The following SPOCK1 variants were observed in gnomAD, a reference collection of about 807,000 sequenced individuals.
The protein encoded by SPOCK1 is testican-1.
SPOCK1 carries 23 observed loss-of-function variants against 55.3 expected under a neutral mutation model. The ratio of observed to expected loss-of-function variants is 0.42; its 90% CI spans 0.30 to 0.59. SPOCK1 has a LOEUF of 0.59. Among genes scored for constraint, SPOCK1 ranks in the 20% least tolerant of loss-of-function variants. The probability of loss-of-function intolerance (pLI) is 0.22; values close to 1 mark genes in which losing one functional copy is unlikely to be tolerated. For missense variants in SPOCK1, 499 were observed against 552.5 expected (o/e 0.90, Z 0.97); for synonymous variants, 226 against 221.0 (o/e 1.02, Z -0.20).
intron 2 of SPOCK1, among the ~76,000 whole-genome samples, chr5:137,333,146 A>G (rs775581349): frequency 1.9e-4 from 29 of 152,216 alleles, no homozygotes; most frequent in South Asian, 4.1e-4. Context: ...CACATTAAAG[A>G]AAAGTCATCA....
At chr5:137,197,304 G>T (rs1365722658) in intron 3 of SPOCK1, among the ~76,000 whole-genome samples, 1 of 152,178 alleles carries the variant, frequency 6.6e-6, no homozygotes, top group East Asian at 1.9e-4. Context: ...GGCTGAGGAA[G>T]ATCGAGATAC....
chr5:137,273,441 G>T, intron 2 of SPOCK1: 1 of 918,780 alleles, frequency 1.1e-6, no homozygotes, highest in Non-Finnish European at 1.3e-6. Flanking sequence ...TCAAACAATA[G>T]GAAGAAATGT....
At chr5:136,997,313 G>A (rs1414705032) in intron 6 of SPOCK1, among the ~76,000 whole-genome samples, 1 of 152,068 alleles carries the variant, frequency 6.6e-6, no homozygotes, top group Non-Finnish European at 1.5e-5. Flanking sequence ...TATCTCCACT[G>A]CCTCTATTCT....
At chr5:137,147,386 C>T (rs1452864755) in intron 3 of SPOCK1, among the ~76,000 whole-genome samples, 2 of 152,182 alleles carry the variant, frequency 1.3e-5, no homozygotes, top group Non-Finnish European at 2.9e-5. Context: ...TTAGTCTGCT[C>T]GGGCAGCCAT....
intron 2 of SPOCK1, among the ~76,000 whole-genome samples, chr5:137,356,040 T>C (rs1470256120): frequency 2.0e-5 from 3 of 152,174 alleles, no homozygotes; most frequent in Non-Finnish European, 4.4e-5. Context: ...TATGTACTTC[T>C]GAGAGAATAA....
intron 3 of SPOCK1, among the ~76,000 whole-genome samples, chr5:137,143,431 A>G (rs1754136915): frequency 6.6e-6 from 1 of 151,060 alleles, no homozygotes; most frequent in South Asian, 2.1e-4. Context: ...ACAGACTCCA[A>G]GGCAGAGTAG....
chr5:137,382,962 G>A (rs1384273226), intron 2 of SPOCK1, among the ~76,000 whole-genome samples: 1 of 152,080 alleles, frequency 6.6e-6, no homozygotes, highest in Non-Finnish European at 1.5e-5. Flanking sequence ...TGTTTTTCCA[G>A]TCCCTTTCCA....
chr5:137,109,604 C>T (rs1294782837), intron 5 of SPOCK1, among the ~76,000 whole-genome samples: 1 of 152,180 alleles, frequency 6.6e-6, no homozygotes, highest in Non-Finnish European at 1.5e-5. Flanking sequence ...CATCTTCTCA[C>T]CTTCCAAGCT....
chr5:137,043,017 G>A (rs1752030308), intron 6 of SPOCK1, among the ~76,000 whole-genome samples: 1 of 152,092 alleles, frequency 6.6e-6, no homozygotes, highest in South Asian at 2.1e-4. Context: ...AACCAGGTCT[G>A]TTTGTGGAAG....
At chr5:136,981,570 T>C (rs917724156) in intron 9 of SPOCK1, among the ~76,000 whole-genome samples, 1 of 152,250 alleles carries the variant, frequency 6.6e-6, no homozygotes, top group African/African-American at 2.4e-5. Context: ...TCATCTTTGA[T>C]CAATTTTTAT....
At chr5:137,428,933 G>GAGTGC (rs1289008428) in intron 2 of SPOCK1, among the ~76,000 whole-genome samples, 2 of 152,120 alleles carry the variant, frequency 1.3e-5, no homozygotes, top group Non-Finnish European at 2.9e-5. Flanking sequence ...CCTCCAACCT[G>GAGTGC]AGTGCCCTTG....
intron 2 of SPOCK1, among the ~76,000 whole-genome samples, chr5:137,353,534 T>C (rs1269895654): frequency 6.6e-6 from 1 of 152,134 alleles, no homozygotes; most frequent in Admixed American, 6.5e-5. Context: ...GGGTTATCTT[T>C]ACACATCAGA....
At chr5:137,317,590 C>T (rs1757902922) in intron 2 of SPOCK1, among the ~76,000 whole-genome samples, 1 of 152,204 alleles carries the variant, frequency 6.6e-6, no homozygotes, top group Non-Finnish European at 1.5e-5. Context: ...AAAAAAGCCT[C>T]TTGGACACAC....
chr5:137,452,862 T>C (rs1484864570), intron 2 of SPOCK1, among the ~76,000 whole-genome samples: 3 of 152,158 alleles, frequency 2.0e-5, no homozygotes, highest in East Asian at 1.9e-4. Context: ...TTAAATCCAA[T>C]ATCGCTTTTG....
At chr5:137,218,782 C>A (rs1755766918) in intron 3 of SPOCK1, among the ~76,000 whole-genome samples, 2 of 152,036 alleles carry the variant, frequency 1.3e-5, no homozygotes, top group Admixed American at 1.3e-4. Flanking sequence ...CACAGGTGGT[C>A]CCAAACCTGC....
At chr5:137,390,266 C>T (rs1472649363) in intron 2 of SPOCK1, among the ~76,000 whole-genome samples, 1 of 152,146 alleles carries the variant, frequency 6.6e-6, no homozygotes, top group Admixed American at 6.5e-5. Flanking sequence ...TCATGCTTGC[C>T]TGGAAGCCGT....
chr5:137,420,506 T>G (rs1471700013), intron 2 of SPOCK1, among the ~76,000 whole-genome samples: 1 of 152,214 alleles, frequency 6.6e-6, no homozygotes, highest in Non-Finnish European at 1.5e-5. Flanking sequence ...AGATTCAACT[T>G]CTTCCTGGTT....
rs114849605 is a variant in SPOCK1, at chr5:137,152,361, C to G, written c.233-11667G>C. ...TGTGCCACTCAATGGCTAATTACTT[C>G]CCTTACATTAGCTAAGATAAGGGCT... On this transcript the variant is annotated intron_variant, in intron 3 of 10. Transcript: ENST00000394945. Among the ~76,000 whole-genome samples the G allele has an allele frequency of 2.8e-3, 422 of 152,340 alleles. 1 individual carries two copies. Among genetic ancestry groups the G allele is most frequent in the Non-Finnish European group, 4.4e-3 (300 of 68,032 alleles).
chr5:137,289,674 T>C (rs957981150), intron 2 of SPOCK1, among the ~76,000 whole-genome samples: 10 of 152,042 alleles, frequency 6.6e-5, no homozygotes, highest in Non-Finnish European at 8.8e-5. Flanking sequence ...GGAATGAGCA[T>C]GCAAAGAATA....
Sources: gnomAD v4.1 joint callset for allele counts (sites outside exome capture counted in the v4.1 genomes callset) on GRCh38, gnomAD v4.1.1 for gene constraint, MANE v1.5 for transcripts, NCBI Gene and HGNC (gene_info 2026-07-23, HGNC 2026-07-21) for gene names.